The following PKHD1 variants were observed in gnomAD, a reference collection of about 807,000 sequenced individuals.
PKHD1 encodes the protein PKHD1 ciliary IPT domain containing fibrocystin/polyductin.
A neutral mutation model predicts 412.0 loss-of-function variants in PKHD1; 291 were observed. That is an observed-to-expected ratio of 0.71 (90% CI 0.64 to 0.78). The LOEUF (loss-of-function observed/expected upper bound fraction) is 0.78. Among genes scored for constraint, PKHD1 ranks in the 30% least tolerant of loss-of-function variants. The pLI is 0.00. For missense variants in PKHD1, 4,825 were observed against 4,950.7 expected, an observed-to-expected ratio of 0.97 and a Z score of 0.76; for synonymous variants, 1,777 against 1,821.5, an observed-to-expected ratio of 0.98 and a Z score of 0.62.
chr6:51,741,100 G>A, intron 60 of PKHD1: 1 of 518,890 alleles, frequency 1.9e-6, no homozygotes, highest in Non-Finnish European at 3.8e-6. Context: ...CCATGGTAAA[G>A]AACTGAGAAA....
intron 51 of PKHD1, 133 bp downstream of exon 51, chr6:51,836,271 A>G: frequency 2.8e-6 from 2 of 721,108 alleles, no homozygotes; most frequent in Non-Finnish European, 5.1e-6. Context: ...AACACAATAG[A>G]GAGTTATCAG....
chr6:51,718,208 A>G (rs1465616722), intron 60 of PKHD1, among the ~76,000 whole-genome samples: 1 of 152,216 alleles, frequency 6.6e-6, no homozygotes, highest in East Asian at 1.9e-4. Flanking sequence ...GGGAAAAAGC[A>G]CTTCCCTTAT....
At chr6:51,815,346 A>G (rs534798576) in intron 52 of PKHD1, among the ~76,000 whole-genome samples, 1 of 152,332 alleles carries the variant, frequency 6.6e-6, no homozygotes, top group African/African-American at 2.4e-5. Context: ...AAGGTGTTGT[A>G]GGAACCCAGC....
At chr6:51,951,819 T>A (rs1279849501) in intron 36 of PKHD1, among the ~76,000 whole-genome samples, 1 of 152,072 alleles carries the variant, frequency 6.6e-6, no homozygotes, top group East Asian at 1.9e-4. Context: ...ACAAATGAGA[T>A]GGAGAGGTAA....
chr6:51,967,650 G>GTA (rs1793015892), intron 35 of PKHD1, among the ~76,000 whole-genome samples: 1 of 121,730 alleles, frequency 8.2e-6, no homozygotes, highest in Non-Finnish European at 1.9e-5. Flanking sequence ...GTGTGTGTGT[G>GTA]TGTATGTGTG....
At chr6:51,949,523 C>T (rs1477128730) in intron 36 of PKHD1, among the ~76,000 whole-genome samples, 1 of 152,158 alleles carries the variant, frequency 6.6e-6, no homozygotes, top group Non-Finnish European at 1.5e-5. Context: ...CATTGTGACA[C>T]GGATGGACAC....
intron 52 of PKHD1, among the ~76,000 whole-genome samples, chr6:51,803,440 T>C (rs1309256614): frequency 6.6e-6 from 1 of 152,142 alleles, no homozygotes; most frequent in African/African-American, 2.4e-5. Context: ...ACAACCTCTA[T>C]CAAAAGTCCC....
chr6:51,642,334 T>A (rs1412379787), intron 63 of PKHD1, among the ~76,000 whole-genome samples: 10 of 152,088 alleles, frequency 6.6e-5, no homozygotes, highest in Non-Finnish European at 1.5e-4. Flanking sequence ...TATAAGTAAG[T>A]AAGATATGGA....
At chr6:51,668,557 C>A (rs928611524) in intron 60 of PKHD1, among the ~76,000 whole-genome samples, 2 of 152,102 alleles carry the variant, frequency 1.3e-5, no homozygotes, top group African/African-American at 4.8e-5. Flanking sequence ...TGCCTGATTG[C>A]CCTGGCCAGA....
intron 47 of PKHD1, 54 bp downstream of exon 47, chr6:51,870,450 C>T: frequency 1.4e-6 from 2 of 1,394,350 alleles, no homozygotes; most frequent in Non-Finnish European, 1.0e-6. Flanking sequence ...ATTTATAATA[C>T]TGACTTGAAT....
Position 52,024,677 on chromosome 6 carries a change from G to A in PKHD1, c.5133C>T (p.Ala1711=), listed in dbSNP as rs144841026. The A allele has an allele frequency of 1.9e-5, 30 of 1,614,086 alleles. No individual in the cohort carries two copies. The highest frequency in any genetic ancestry group is 8.9e-5 in the East Asian group (4 of 44,886). Residue 1711 remains alanine, a synonymous_variant, in exon 32 of 67, where the codon GCC becomes GCT. Transcript: ENST00000371117. ...CATAGCCTCTGACGTGGTACTCCCC[G>A]GCCGGAAGGGAAGGGACCACGCACT... The part of the protein sequence containing the change: ...VLQCVVPSLP[A]GEYHVRGYDC...
chr6:51,958,384 G>A (rs997982077), intron 36 of PKHD1, among the ~76,000 whole-genome samples: 9 of 152,246 alleles, frequency 5.9e-5, no homozygotes, highest in African/African-American at 2.2e-4. Context: ...GTTGGGGCAA[G>A]TATTGGGATT....
At chr6:51,840,876 G>T (rs1442052089) in intron 50 of PKHD1, among the ~76,000 whole-genome samples, 4 of 152,116 alleles carry the variant, frequency 2.6e-5, no homozygotes, top group African/African-American at 9.7e-5. Flanking sequence ...TTACTTTAGA[G>T]GCATAAAAAG....
intron 46 of PKHD1, among the ~76,000 whole-genome samples, chr6:51,873,569 C>T (rs1448248299): frequency 6.6e-6 from 1 of 152,132 alleles, no homozygotes; most frequent in East Asian, 1.9e-4. Context: ...ATGATTTGTG[C>T]ACATTTCTCC....
At chr6:51,920,865 C>A (rs1784583539) in intron 37 of PKHD1, among the ~76,000 whole-genome samples, 1 of 152,008 alleles carries the variant, frequency 6.6e-6, no homozygotes, top group Non-Finnish European at 1.5e-5. Flanking sequence ...GTGTATGTGT[C>A]CAGGAATTTA....
At chr6:51,720,314 A>C (rs1781750227) in intron 60 of PKHD1, among the ~76,000 whole-genome samples, 1 of 152,142 alleles carries the variant, frequency 6.6e-6, no homozygotes, top group Non-Finnish European at 1.5e-5. Flanking sequence ...GAAAAAAGGA[A>C]AATCTCATTT....
At chr6:51,898,343 A>G (rs1299743719) in intron 43 of PKHD1, among the ~76,000 whole-genome samples, 3 of 147,498 alleles carry the variant, frequency 2.0e-5, no homozygotes, top group African/African-American at 7.5e-5. Flanking sequence ...TCAAACTAGA[A>G]CTCAGGATTA....
intron 50 of PKHD1, among the ~76,000 whole-genome samples, chr6:51,844,851 T>C (rs1370987312): frequency 1.3e-5 from 2 of 152,106 alleles, no homozygotes; most frequent in Non-Finnish European, 2.9e-5. Context: ...TGGAATTCCG[T>C]GGCCATGATA....
chr6:51,888,380 A>G (rs747816378), intron 43 of PKHD1, among the ~76,000 whole-genome samples: 4 of 152,222 alleles, frequency 2.6e-5, no homozygotes, highest in Non-Finnish European at 5.9e-5. Flanking sequence ...TACCTACAAT[A>G]TGTTCATCCC....
Sources: allele counts gnomAD v4.1 joint callset (sites outside exome capture counted in the v4.1 genomes callset), GRCh38; gene constraint gnomAD v4.1.1; transcripts MANE v1.5; gene names NCBI Gene and HGNC (gene_info 2026-07-23, HGNC 2026-07-21).